The following ASAP2 variants were observed in gnomAD, a reference collection of about 807,000 sequenced individuals.
The protein encoded by ASAP2 is ArfGAP with SH3 domain, ankyrin repeat and PH domain 2, also known as arf-GAP with SH3 domain, ANK repeat and PH domain-containing protein 2.
ASAP2 carries 45 observed loss-of-function variants against 131.4 expected under a neutral mutation model. The ratio of observed to expected loss-of-function variants is 0.34; its 90% CI spans 0.27 to 0.44. The LOEUF (loss-of-function observed/expected upper bound fraction) is 0.44. ASAP2 is among the 20% of genes least tolerant of loss of function. The probability of loss-of-function intolerance (pLI) is 1.00; values close to 1 mark genes in which losing one functional copy is unlikely to be tolerated. For synonymous variants in ASAP2, 510 were observed against 503.0 expected (o/e 1.01, Z -0.19); for missense variants, 1,011 against 1,297.0 (o/e 0.78, Z 3.39).
At chr2:9,263,637 C>T (rs1198878060) in intron 1 of ASAP2, among the ~76,000 whole-genome samples, 1 of 152,220 alleles carries the variant, frequency 6.6e-6, no homozygotes, top group Non-Finnish European at 1.5e-5. Flanking sequence ...AGGCACAGAC[C>T]TCCCGGGAGT....
At chr2:9,388,125 TCTTGCAGCTCTCACGCAA>T (rs1390159558) in intron 21 of ASAP2, among the ~76,000 whole-genome samples, 151 bp from the exon 22 acceptor site, 10 of 152,162 alleles carry the variant, frequency 6.6e-5, no homozygotes, top group African/African-American at 2.4e-4. Flanking sequence ...GAATTTTCAC[TCTTGCAGCTCTCACGCAA>T]CTTGTAGCTC....
At chr2:9,305,740 AGTGG>A (rs375039940) in intron 3 of ASAP2, among the ~76,000 whole-genome samples, 184 of 61,458 alleles carry the variant, frequency 3.0e-3, no homozygotes, top group African/African-American at 9.3e-3. Context: ...AGGCTGTAGT[AGTGG>A]GGTATAGATA....
At chr2:9,213,780 T>C (rs944936824) in intron 1 of ASAP2, among the ~76,000 whole-genome samples, 20 of 152,204 alleles carry the variant, frequency 1.3e-4, no homozygotes, top group African/African-American at 4.6e-4. Flanking sequence ...CCAAGCCCCC[T>C]GAACAGACCT....
At chr2:9,335,705 T>C (rs1021770889) in intron 9 of ASAP2, among the ~76,000 whole-genome samples, 2 of 152,242 alleles carry the variant, frequency 1.3e-5, no homozygotes, top group Non-Finnish European at 2.9e-5. Context: ...TGTAATGACG[T>C]CTCTGTGTGC....
Position 9,248,208 on chromosome 2 carries a change from C to T in ASAP2, c.127-31109C>T, listed in dbSNP as rs116504716. 6.5e-3 allele frequency among the ~76,000 whole-genome samples: 994 copies of T among 152,302 alleles called. 12 individuals are homozygous for T. The highest frequency in any genetic ancestry group is 0.023 in the African/African-American group (955 of 41,560). The stretch of plus-strand genomic sequence containing the variant: ...GCAGTTCTGCATCCCACGCTAACCA[C>T]GGAGGCCACGCAGGCCTGTGTTCCG... On this transcript the variant is annotated intron_variant, in intron 1 of 27. Coordinates refer to ENST00000281419, the MANE Select transcript of ASAP2 (RefSeq NM_003887.3).
intron 1 of ASAP2, among the ~76,000 whole-genome samples, chr2:9,209,928 A>G (rs1661414311): frequency 6.6e-6 from 1 of 152,244 alleles, no homozygotes; most frequent in African/African-American, 2.4e-5. Context: ...TGTAGGTTCT[A>G]TCTGCCAAAG....
chr2:9,231,416 A>T (rs1663153401), intron 1 of ASAP2, among the ~76,000 whole-genome samples: 1 of 152,274 alleles, frequency 6.6e-6, no homozygotes, highest in South Asian at 2.1e-4. Flanking sequence ...TATGGAGGCA[A>T]CAGCCTGGGC....
At position 9,270,324 on chromosome 2, in the gene ASAP2, A is replaced by T. The variant is rs142092290; in HGVS notation, c.127-8993A>T. Among the ~76,000 whole-genome samples, 119 of 152,100 alleles carry T rather than the reference A, an allele frequency of 7.8e-4. 1 individual carries two copies. Among genetic ancestry groups the T allele is most frequent in the African/African-American group, 2.4e-3 (98 of 41,484 alleles). On this transcript the variant is annotated intron_variant, in intron 1 of 27. Coordinates refer to ENST00000281419, the MANE Select transcript of ASAP2 (RefSeq NM_003887.3). The stretch of plus-strand genomic sequence containing the variant: ...TCGTTTGGGGAGCATGGTAGTTGAG[A>T]GCCTGGGTCTGGTTAGAATTCTCAG...
chr2:9,320,504 C>G (rs753478709), intron 5 of ASAP2, among the ~76,000 whole-genome samples, 167 bp downstream of exon 5: 3 of 152,186 alleles, frequency 2.0e-5, no homozygotes, highest in Non-Finnish European at 2.9e-5. Flanking sequence ...TTTGGTGATG[C>G]TGTCTTCTTC....
chr2:9,329,014 CA>C (rs1423706093), intron 7 of ASAP2, among the ~76,000 whole-genome samples: 5 of 152,200 alleles, frequency 3.3e-5, no homozygotes, highest in Non-Finnish European at 2.9e-5. Flanking sequence ...AGCCAGCACA[CA>C]GTGCCCGGAA....
chr2:9,302,122 C>CTTTTT (rs60869426), intron 3 of ASAP2, among the ~76,000 whole-genome samples: 2 of 103,398 alleles, frequency 1.9e-5, no homozygotes, highest in Non-Finnish European at 1.9e-5. Flanking sequence ...CGCGCCCGGC[C>CTTTTT]TTTTTTTTTT....
At chr2:9,375,273 A>C (rs1674311548) in intron 17 of ASAP2, among the ~76,000 whole-genome samples, 1 of 146,242 alleles carries the variant, frequency 6.8e-6, no homozygotes. Flanking sequence ...ACAGAGTGAG[A>C]CCTTGTCTCA....
At chr2:9,274,468 A>C (rs547560295) in intron 1 of ASAP2, among the ~76,000 whole-genome samples, 1 of 151,976 alleles carries the variant, frequency 6.6e-6, no homozygotes, top group South Asian at 2.1e-4. Context: ...GATTATGGGC[A>C]TGCACCACCA....
At chr2:9,215,847 T>C (rs1661981821) in intron 1 of ASAP2, among the ~76,000 whole-genome samples, 1 of 152,206 alleles carries the variant, frequency 6.6e-6, no homozygotes, top group Admixed American at 6.5e-5. Context: ...AGAAGCGCTC[T>C]TGGCGGGGAG....
chr2:9,364,990 T>A (rs1017799824), intron 15 of ASAP2, among the ~76,000 whole-genome samples: 6 of 152,222 alleles, frequency 3.9e-5, no homozygotes, highest in Admixed American at 2.6e-4. Flanking sequence ...GCCTTTTTTT[T>A]TAAAGCCAAG....
intron 1 of ASAP2, among the ~76,000 whole-genome samples, chr2:9,213,245 A>G (rs779350459): frequency 1.4e-4 from 21 of 152,226 alleles, no homozygotes; most frequent in Non-Finnish European, 2.6e-4. Flanking sequence ...ATGTGGGAAT[A>G]GAACAGCTTG....
intron 9 of ASAP2, among the ~76,000 whole-genome samples, chr2:9,335,823 T>TTTAGTATATTGTGAATTTG (rs1488779418): frequency 7.9e-5 from 12 of 152,248 alleles, no homozygotes; most frequent in African/African-American, 2.9e-4. Context: ...AATGTGGGTA[T>TTTAGTATATTGTGAATTTG]CATAATGTGA....
chr2:9,264,601 A>G (rs1572290342), intron 1 of ASAP2, among the ~76,000 whole-genome samples: 1 of 152,294 alleles, frequency 6.6e-6, no homozygotes, highest in South Asian at 2.1e-4. Flanking sequence ...TCATACGTGA[A>G]TATATCCTTG....
chr2:9,362,207 C>T (rs561843556), intron 15 of ASAP2, among the ~76,000 whole-genome samples: 1 of 152,198 alleles, frequency 6.6e-6, no homozygotes, highest in African/African-American at 2.4e-5. Context: ...CATGCAGGGC[C>T]TCGGCTGACT....
Sources: allele counts gnomAD v4.1 joint callset (sites outside exome capture counted in the v4.1 genomes callset), GRCh38; gene constraint gnomAD v4.1.1; transcripts MANE v1.5; gene names NCBI Gene and HGNC (gene_info 2026-07-23, HGNC 2026-07-21).